MYLK: variants seen among roughly 807,000 people sequenced by gnomAD.
MYLK encodes myosin light chain kinase, also known as myosin light chain kinase, smooth muscle.
In MYLK, 106 loss-of-function variants were observed where a neutral mutation model predicts 203.4. The ratio of observed to expected loss-of-function variants is 0.52; its 90% confidence interval spans 0.45 to 0.61. The LOEUF (loss-of-function observed/expected upper bound fraction) is 0.61, where lower values mean the gene tolerates loss of function less well. MYLK is among the 20% of genes least tolerant of loss of function. The probability of loss-of-function intolerance (pLI) is 0.00; values close to 1 mark genes in which losing one functional copy is unlikely to be tolerated. For missense variants in MYLK, 2,072 were observed against 2,442.3 expected, an observed-to-expected ratio of 0.85 and a Z score of 3.20; for synonymous variants, 867 against 959.5, an observed-to-expected ratio of 0.90 and a Z score of 1.78.
intron 24 of MYLK, among the ~76,000 whole-genome samples, chr3:123,653,139 G>T (rs1445008274): frequency 2.6e-5 from 4 of 152,084 alleles, no homozygotes; most frequent in African/African-American, 9.7e-5. Context: ...GCTTCATGGA[G>T]TGTGGGTTAA....
intron 2 of MYLK, among the ~76,000 whole-genome samples, chr3:123,835,685 C>T (rs2066459168): frequency 1.3e-5 from 2 of 152,210 alleles, no homozygotes; most frequent in Admixed American, 6.5e-5. Context: ...CCTTCTTCTT[C>T]CCTCCTGTCT....
chr3:123,867,531 T>C (rs2148703233), intron 2 of MYLK, among the ~76,000 whole-genome samples: 1 of 150,344 alleles, frequency 6.7e-6, no homozygotes, highest in African/African-American at 2.5e-5. Flanking sequence ...GAAGTCCATG[T>C]GAAGATGGAT....
rs569399512 is a variant in MYLK at position 123,873,904 on chromosome 3, A to C, written c.-127+2655T>G. Among the ~76,000 whole-genome samples the C allele has an allele frequency of 2.0e-5, 3 of 152,274 alleles. No homozygotes were observed. The East Asian group carries it at 5.8e-4, about 29-fold the overall frequency. On this transcript the variant is annotated intron_variant, in intron 2 of 33. Transcript: ENST00000360304. ...GAATTTTACTAAAAGTACCATTAAA[A>C]ATTACACCAAAACATGAAATACATA...
At chr3:123,664,367 G>A in intron 22 of MYLK, 109 bp from the exon 23 acceptor site, 1 of 1,486,566 alleles carries the variant, frequency 6.7e-7, no homozygotes, top group Non-Finnish European at 9.3e-7. Flanking sequence ...TGGACAAGCT[G>A]TGGGGGGGCT....
At chr3:123,641,701 C>T (rs1310226115) in intron 27 of MYLK, among the ~76,000 whole-genome samples, 1 of 149,892 alleles carries the variant, frequency 6.7e-6, no homozygotes, top group Non-Finnish European at 1.5e-5. Flanking sequence ...TATCTTCCTT[C>T]CTTCCTTCCT....
At chr3:123,734,836 T>C (rs1387087556) in intron 9 of MYLK, 1 of 172,706 alleles carries the variant, frequency 5.8e-6, no homozygotes, top group Non-Finnish European at 1.3e-5. Context: ...CTTCACCAGC[T>C]AACATTCCTT....
intron 4 of MYLK, among the ~76,000 whole-genome samples, chr3:123,771,460 TA>T (rs1422696701): frequency 6.6e-6 from 1 of 152,220 alleles, no homozygotes; most frequent in Non-Finnish European, 1.5e-5. Flanking sequence ...AGTTTATTCC[TA>T]AATATTGTTT....
intron 2 of MYLK, among the ~76,000 whole-genome samples, chr3:123,862,330 A>G (rs1391357312): frequency 6.6e-6 from 1 of 152,260 alleles, no homozygotes; most frequent in African/African-American, 2.4e-5. Flanking sequence ...TTCTTAAAAT[A>G]CTGAATCTTA....
chr3:123,672,195 G>A (rs1220189443), intron 20 of MYLK, among the ~76,000 whole-genome samples: 1 of 120,954 alleles, frequency 8.3e-6, no homozygotes, highest in African/African-American at 3.0e-5. Context: ...AAGAGAGACA[G>A]GGGCAGGGGG....
chr3:123,803,850 T>C (rs1336125211), intron 3 of MYLK, among the ~76,000 whole-genome samples: 1 of 152,206 alleles, frequency 6.6e-6, no homozygotes, highest in African/African-American at 2.4e-5. Context: ...TGTGCAGTGA[T>C]TCTAGCTCCT....
rs548596188 is a variant in MYLK at position 123,819,523 on chromosome 3, C to T, written c.-4+12025G>A. 2.0e-5 allele frequency among the ~76,000 whole-genome samples: 3 copies of T among 152,298 alleles called. No individual in the cohort carries two copies. In the East Asian group the frequency reaches 5.8e-4, roughly 29 times the overall value. ...CAGGTATGAAACTGTGGCAGGTTAA[C>T]TCCTTAACTTGAAAGTATATGAAAT... On this transcript the variant is annotated intron_variant, in intron 3 of 33. Transcript: ENST00000360304.
At chr3:123,835,878 T>C (rs1458028094) in intron 2 of MYLK, 1 of 152,358 alleles carries the variant, frequency 6.6e-6, no homozygotes, top group South Asian at 2.1e-4. Flanking sequence ...CTTGTTTGAC[T>C]GTAGGTCATA....
At chr3:123,665,081 A>T (rs948499292) in intron 22 of MYLK, among the ~76,000 whole-genome samples, 9 of 152,250 alleles carry the variant, frequency 5.9e-5, no homozygotes, top group African/African-American at 1.7e-4. Flanking sequence ...ACTGAAAACC[A>T]CTGAAGTGTA....
chr3:123,618,205 C>T, intron 33 of MYLK: 2 of 227,336 alleles, frequency 8.8e-6, no homozygotes, highest in South Asian at 1.3e-4. Context: ...CAAGGTCACA[C>T]AGCCTGTGGA....
At chr3:123,744,696 A>G (rs1367093421) in intron 5 of MYLK, among the ~76,000 whole-genome samples, 3 of 152,208 alleles carry the variant, frequency 2.0e-5, no homozygotes, top group Non-Finnish European at 4.4e-5. Flanking sequence ...ACAAAGGAAC[A>G]GTGATAATAA....
rs1276906264 is a variant in MYLK at position 123,629,910 on chromosome 3, CTGA to C, written c.4962-287_4962-285del. ...GGCTTCTGCAGGGTACGCGGCAGGGCTGATAAGTCCCTCTGTCCTGGTTTTCTA... is the reference window on the plus strand; with the variant it reads ...GGCTTCTGCAGGGTACGCGGCAGGGCTAAGTCCCTCTGTCCTGGTTTTCTA... On this transcript the variant is annotated intron_variant, in intron 29 of 33. Transcript: ENST00000360304. The surrounding 1 kb of genome is among the most constrained non-coding windows in gnomAD (Gnocchi z 4.4). 6.7e-6 allele frequency: 3 copies of C among 450,732 alleles called. No homozygotes were observed. Among genetic ancestry groups the C allele is most frequent in the African/African-American group, 2.0e-5 (1 of 50,434 alleles). The allele number at this position is 450,732 out of a possible 1,614,324, so 27.9% of individuals were successfully genotyped here. A position where few individuals can be genotyped will look rare whatever the true frequency, so the allele number is the denominator to read the frequency against.
At chr3:123,870,507 C>T (rs1171109755) in intron 2 of MYLK, among the ~76,000 whole-genome samples, 3 of 152,220 alleles carry the variant, frequency 2.0e-5, no homozygotes, top group Admixed American at 1.3e-4. Context: ...GGCTCAGTGA[C>T]AATGCAAGCT....
chr3:123,631,435 C>T (rs2058420513), intron 29 of MYLK, among the ~76,000 whole-genome samples: 1 of 151,528 alleles, frequency 6.6e-6, no homozygotes, highest in African/African-American at 2.4e-5. Context: ...CTGGGGCCCT[C>T]CTGCCATCAA....
chr3:123,855,241 T>G (rs2031248023), intron 2 of MYLK, among the ~76,000 whole-genome samples: 1 of 152,150 alleles, frequency 6.6e-6, no homozygotes, highest in Admixed American at 6.6e-5. Context: ...TTGAAGCCTG[T>G]CATTTACCTT....
Sources: allele counts gnomAD v4.1 joint callset (sites outside exome capture counted in the v4.1 genomes callset), GRCh38; gene constraint gnomAD v4.1.1; non-coding constraint Gnocchi (gnomAD v3.1); transcripts MANE v1.5; gene names NCBI Gene and HGNC (gene_info 2026-07-23, HGNC 2026-07-21).